RD3: variants seen among roughly 807,000 people sequenced by gnomAD.
RD3 encodes the protein protein RD3.
Under a neutral mutation model 16.9 loss-of-function variants are expected in RD3, and 11 were observed. That is an observed-to-expected ratio of 0.65 (90% confidence interval 0.41 to 1.08). The LOEUF is 1.08. RD3 is among the 50% of genes least tolerant of loss of function. RD3 has a pLI of 0.00. For synonymous variants in RD3, 116 were observed against 114.8 expected, an observed-to-expected ratio of 1.01 and a Z score of -0.07; for missense variants, 274 against 267.4, an observed-to-expected ratio of 1.02 and a Z score of -0.17.
chr1:211,478,283 C>A lies in RD3; in HGVS notation c.*753G>T. 2.5e-6 allele frequency: 1 copy of A among 397,890 alleles called. No homozygotes were observed. Among genetic ancestry groups the A allele is most frequent in the Non-Finnish European group, 4.4e-6 (1 of 225,910 alleles). 24.6% of individuals were successfully genotyped at this position (397,890 alleles called of 1,614,324 possible). ...CTTGGAGAGCAGCTTAGATTCTCAT[C>A]CCACTGCCAAGGTAAGAGATGGATC... is the stretch of plus-strand genomic sequence containing the variant. On this transcript the variant is annotated 3_prime_UTR_variant, in exon 3 of 3. Coordinates refer to ENST00000680073, the MANE Select transcript of RD3 (RefSeq NM_001164688.2).
chr1:211,481,596 A>G (rs1415743746), intron 1 of RD3, among the ~76,000 whole-genome samples, 170 bp from the exon 2 acceptor site: 1 of 152,228 alleles, frequency 6.6e-6, no homozygotes, highest in African/African-American at 2.4e-5. Context: ...CTGAGCAATC[A>G]TTTCTAATTC....
At chr1:211,484,199 G>A (rs1377942005) in intron 1 of RD3, among the ~76,000 whole-genome samples, 1 of 152,158 alleles carries the variant, frequency 6.6e-6, no homozygotes, top group African/African-American at 2.4e-5. Context: ...ATGTGGTCAG[G>A]GCCTGTGCCT....
chr1:211,479,286 TC>T lies in RD3; in HGVS notation c.337del (p.Glu113ArgfsTer17). ...LLAEQEPEVQ[E>X]VSQLFRSVLQ... ...CACCGAGCGGAAGAGCTGGGACACC[TC>T]CTGCACCTCGGGCTCCTGCTCCGCC... On this transcript the variant is annotated frameshift_variant, in exon 3 of 3. Coordinates refer to ENST00000680073, the MANE Select transcript of RD3 (RefSeq NM_001164688.2). LOFTEE classifies it high-confidence loss of function. 1 of 1,605,254 alleles carries T rather than the reference TC, an allele frequency of 6.2e-7. No homozygotes were observed.
At chr1:211,485,470 G>A (rs1383147634) in intron 1 of RD3, among the ~76,000 whole-genome samples, 1 of 152,158 alleles carries the variant, frequency 6.6e-6, no homozygotes, top group East Asian at 1.9e-4. Flanking sequence ...GGGAGGGAGA[G>A]ACAGAGGGAG....
chr1:211,481,146 T>C lies in RD3; in HGVS notation c.270A>G (p.Pro90=), dbSNP rs1705248129. 6.2e-7 allele frequency: 1 copy of C among 1,614,180 alleles called. No individual in the cohort carries two copies. The highest frequency in any genetic ancestry group is 8.5e-7 in the Non-Finnish European group (1 of 1,180,026). Residue 90 remains proline, a synonymous_variant, in exon 2 of 3, where the codon CCA becomes CCG. Transcript: ENST00000680073. ...QLEDVCVKIH[P]SYCGPAILRF... is the part of the protein sequence containing the mutation. Reference sequence around the variant, plus strand: ...TGAGGATAGCAGGCCCACAATAGGATGGGTGGATCTTAACGCAGACATCTT... The same window carrying C: ...TGAGGATAGCAGGCCCACAATAGGACGGGTGGATCTTAACGCAGACATCTT...
At chr1:211,487,222 T>C (rs1705391707) in intron 1 of RD3, among the ~76,000 whole-genome samples, 1 of 152,160 alleles carries the variant, frequency 6.6e-6, no homozygotes, top group African/African-American at 2.4e-5. Flanking sequence ...CAGGATAATG[T>C]ACAAGTTCAT....
At chr1:211,480,524 T>C (rs1242541269) in intron 2 of RD3, among the ~76,000 whole-genome samples, 1 of 152,170 alleles carries the variant, frequency 6.6e-6, no homozygotes, top group Non-Finnish European at 1.5e-5. Context: ...TCAGCACCAA[T>C]CCTTCTGAGA....
chr1:211,479,431 T>G, intron 2 of RD3, 104 bp from the exon 3 acceptor site: 2 of 1,008,418 alleles, frequency 2.0e-6, no homozygotes, highest in Non-Finnish European at 2.9e-6. Context: ...CATGGCCAAT[T>G]AGTCCACTCT....
At position 211,477,518 on chromosome 1, in the gene RD3, A is replaced by G. The variant is rs1335109998; in HGVS notation, c.*1518T>C. ...TATGTCTTCAAATAAAATACGTAAG[A>G]TGTTTAAGATGTATATTTTAAGTGA... On this transcript the variant is annotated 3_prime_UTR_variant, in exon 3 of 3. Transcript: ENST00000680073. 1 of 152,084 alleles carries G rather than the reference A, an allele frequency of 6.6e-6. No individual in the cohort carries two copies. Among genetic ancestry groups the G allele is most frequent in the African/African-American group, 2.4e-5 (1 of 41,416 alleles). 9.4% of individuals were successfully genotyped at this position (152,084 alleles called of 1,614,324 possible).
Position 211,478,960 on chromosome 1 carries a change from G to C in RD3, c.*76C>G. On this transcript the variant is annotated 3_prime_UTR_variant, in exon 3 of 3. Transcript: ENST00000680073. ...GTCAGGCCTAGGTGGGGAGGTTCCAGGGCCCGGCGCTCCGGTCACCGGCCT... is the reference window on the plus strand; with the variant it reads ...GTCAGGCCTAGGTGGGGAGGTTCCACGGCCCGGCGCTCCGGTCACCGGCCT... 7.1e-7 allele frequency: 1 copy of C among 1,405,410 alleles called. No homozygotes were observed. The highest frequency in any genetic ancestry group is 1.4e-5 in the South Asian group (1 of 70,078). The allele number at this position is 1,405,410 out of a possible 1,614,324, so 87.1% of individuals were successfully genotyped here.
In RD3 at chr1:211,481,141, T is replaced by C. The variant is rs769456350; in HGVS notation, c.275A>G (p.Tyr92Cys). The C allele has an allele frequency of 1.2e-6, 2 of 1,614,058 alleles. No homozygotes were observed. Among genetic ancestry groups the C allele is most frequent in the African/African-American group, 2.7e-5 (2 of 74,926 alleles). ...EDVCVKIHPSYCGPAILRFRQ... is the reference protein window; with the variant it reads ...EDVCVKIHPSCCGPAILRFRQ... ...TCACCTGAGGATAGCAGGCCCACAA[T>C]AGGATGGGTGGATCTTAACGCAGAC... The change falls in exon 2 of 3, where the codon TAT (tyrosine) becomes TGT (cysteine). Residue 92 changes from tyrosine to cysteine, a missense_variant. Tyr to Cys is a radical substitution (Grantham distance 194). Coordinates refer to ENST00000680073, the MANE Select transcript of RD3 (RefSeq NM_001164688.2).
intron 1 of RD3, among the ~76,000 whole-genome samples, chr1:211,486,892 A>G (rs1162281978): frequency 6.6e-6 from 1 of 152,214 alleles, no homozygotes; most frequent in Admixed American, 6.5e-5. Context: ...ATTGGCCAAT[A>G]GCTCAATCTT....
At chr1:211,489,003 C>T (rs1041607728) in intron 1 of RD3, among the ~76,000 whole-genome samples, 3 of 152,308 alleles carry the variant, frequency 2.0e-5, no homozygotes, top group African/African-American at 7.2e-5. Context: ...GCAGATAAAA[C>T]CTGAATTCAG....
chr1:211,478,890 T>G lies in RD3; in HGVS notation c.*146A>C. ...GAGGATGGGGCAGGGAGTCGCTTCA[T>G]TTTATAGCAGCGTCTTGGGATGGGG... On this transcript the variant is annotated 3_prime_UTR_variant, in exon 3 of 3. Coordinates refer to ENST00000680073, the MANE Select transcript of RD3 (RefSeq NM_001164688.2). 2 of 642,038 alleles carry G rather than the reference T, an allele frequency of 3.1e-6. No individual in the cohort carries two copies. The highest frequency in any genetic ancestry group is 3.1e-5 in the Admixed American group (1 of 32,134). 39.8% of individuals were successfully genotyped at this position (642,038 alleles called of 1,614,324 possible).
At chr1:211,488,266 G>A (rs1280651979) in intron 1 of RD3, among the ~76,000 whole-genome samples, 1 of 152,134 alleles carries the variant, frequency 6.6e-6, no homozygotes, top group African/African-American at 2.4e-5. Context: ...CGGGAGCGGT[G>A]GCTCACGACT....
intron 1 of RD3, among the ~76,000 whole-genome samples, chr1:211,490,113 G>T (rs1172266537): frequency 6.6e-6 from 1 of 152,194 alleles, no homozygotes; most frequent in African/African-American, 2.4e-5. Flanking sequence ...AAACTCTCGC[G>T]TTGTGCCTCA....
Position 211,481,188 on chromosome 1 carries a change from A to G in RD3, c.228T>C (p.Ile76=). 6.2e-7 allele frequency: 1 copy of G among 1,614,238 alleles called. No individual in the cohort carries two copies. Among genetic ancestry groups the G allele is most frequent in the Non-Finnish European group, 8.5e-7 (1 of 1,180,036 alleles). The change falls in exon 2 of 3, where the codon ATT becomes ATC. Residue 76 remains isoleucine (I), a synonymous_variant. Transcript: ENST00000680073. ...AGACATCTTCCAGCTGCAACCGCTC[A>G]ATGGGGCTGAGGTCATAGGTGGACC... The part of the protein sequence containing the change: ...TPRSTYDLSP[I]ERLQLEDVCV...
At chr1:211,487,426 C>A (rs1408156464) in intron 1 of RD3, among the ~76,000 whole-genome samples, 8 of 152,182 alleles carry the variant, frequency 5.3e-5, no homozygotes, top group Non-Finnish European at 1.2e-4. Context: ...ATTAATCAGC[C>A]TTTCTTGAGT....
Position 211,481,185 on chromosome 1 carries a change from C to T in RD3, c.231G>A (p.Glu77=), listed in dbSNP as rs779179784. Reference sequence around the variant, plus strand: ...CGCAGACATCTTCCAGCTGCAACCGCTCAATGGGGCTGAGGTCATAGGTGG... The same window carrying T: ...CGCAGACATCTTCCAGCTGCAACCGTTCAATGGGGCTGAGGTCATAGGTGG... ...PRSTYDLSPI[E]RLQLEDVCVK... is the part of the protein sequence containing the mutation. The change falls in exon 2 of 3, where the codon GAG becomes GAA. Residue 77 remains glutamate (E), a synonymous_variant. Coordinates refer to ENST00000680073, the MANE Select transcript of RD3 (RefSeq NM_001164688.2). 13 of 1,614,270 alleles carry T rather than the reference C, an allele frequency of 8.1e-6. No homozygotes were observed. In the Admixed American group the frequency reaches 2.2e-4, roughly 27 times the overall value.
Sources: gnomAD v4.1 joint callset for allele counts (sites outside exome capture counted in the v4.1 genomes callset) on GRCh38, gnomAD v4.1.1 for gene constraint, MANE v1.5 for transcripts, NCBI Gene and HGNC (gene_info 2026-07-23, HGNC 2026-07-21) for gene names.